The following SH3KBP1 variants were observed in gnomAD, a reference collection of about 807,000 sequenced individuals.
SH3KBP1 encodes the protein SH3 domain containing kinase binding protein 1, also known as SH3 domain-containing kinase-binding protein 1.
SH3KBP1 carries 8 observed loss-of-function variants against 50.1 expected under a neutral mutation model. The ratio of observed to expected loss-of-function variants is 0.16; its 90% CI spans 0.09 to 0.29. SH3KBP1 has a LOEUF of 0.29. SH3KBP1 is among the 10% of genes least tolerant of loss of function. The pLI is 1.00. For missense variants in SH3KBP1, 377 were observed against 535.2 expected (o/e 0.70, Z 2.92); for synonymous variants, 227 against 218.6 (o/e 1.04, Z -0.34).
At chrX:19,648,349 GGGAA>G (rs769914541) in intron 6 of SH3KBP1, among the ~76,000 whole-genome samples, 2,177 of 103,267 alleles carry the variant, frequency 0.021, 26 homozygotes, top group Non-Finnish European at 0.025. Context: ...AAGAGAAGGA[GGGAA>G]GGAAGGAAGG....
At chrX:19,582,417 G>A (rs185558761) in intron 12 of SH3KBP1, among the ~76,000 whole-genome samples, 2 of 111,748 alleles carry the variant, frequency 1.8e-5, no homozygotes, top group East Asian at 2.8e-4. Context: ...TATGGTGGCC[G>A]CGTGGGTGAT....
At chrX:19,793,979 A>G (rs751441189) in intron 2 of SH3KBP1, among the ~76,000 whole-genome samples, 15 of 110,883 alleles carry the variant, frequency 1.4e-4, no homozygotes, top group African/African-American at 3.9e-4. Context: ...TCAGAGTGAA[A>G]TGGTTTATCA....
intron 3 of SH3KBP1, among the ~76,000 whole-genome samples, chrX:19,743,671 C>T (rs180799767): frequency 7.2e-5 from 8 of 111,791 alleles, no homozygotes; most frequent in Non-Finnish European, 1.1e-4. Flanking sequence ...CATCCCACAA[C>T]GTGAGGGACT....
chrX:19,880,248 A>C (rs1350209498), intron 1 of SH3KBP1, among the ~76,000 whole-genome samples: 3 of 113,029 alleles, frequency 2.7e-5, no homozygotes, highest in African/African-American at 9.6e-5. Flanking sequence ...CCTTGTCAAC[A>C]TGCTCTGCCC....
At chrX:19,865,825 C>T (rs1411079631) in intron 1 of SH3KBP1, among the ~76,000 whole-genome samples, 2 of 112,240 alleles carry the variant, frequency 1.8e-5, no homozygotes, top group Admixed American at 1.9e-4. Context: ...GTTGACCCAA[C>T]AGGCTTCCAA....
At chrX:19,596,724 T>G (rs1397138457) in intron 9 of SH3KBP1, among the ~76,000 whole-genome samples, 1 of 112,279 alleles carries the variant, frequency 8.9e-6, no homozygotes, top group African/African-American at 3.2e-5. Context: ...GTTCACAGCA[T>G]CTTCACCAGG....
chrX:19,769,080 T>A (rs899688249), intron 2 of SH3KBP1, among the ~76,000 whole-genome samples: 1 of 97,200 alleles, frequency 1.0e-5, no homozygotes, highest in Non-Finnish European at 2.1e-5. Context: ...TTATAATTTT[T>A]TTTTTTTTTT....
chrX:19,820,641 T>C (rs1260494696), intron 2 of SH3KBP1, among the ~76,000 whole-genome samples: 1 of 99,918 alleles, frequency 1.0e-5, no homozygotes, highest in Non-Finnish European at 2.2e-5. Context: ...TTGAGTCAAG[T>C]TTTTTTTTTT....
At chrX:19,646,909 C>G (rs941638233) in intron 6 of SH3KBP1, among the ~76,000 whole-genome samples, 1 of 112,061 alleles carries the variant, frequency 8.9e-6, no homozygotes, top group African/African-American at 3.2e-5. Flanking sequence ...CCGCTAAGTA[C>G]TCAAACTAAT....
intron 1 of SH3KBP1, among the ~76,000 whole-genome samples, chrX:19,881,251 G>A (rs1445884694): frequency 1.8e-5 from 2 of 112,092 alleles, no homozygotes; most frequent in Non-Finnish European, 3.8e-5. Flanking sequence ...AGCATTTGCA[G>A]AAGGGTAGAC....
At chrX:19,724,987 C>A (rs1263428270) in intron 3 of SH3KBP1, among the ~76,000 whole-genome samples, 1 of 111,554 alleles carries the variant, frequency 9.0e-6, no homozygotes, top group Non-Finnish European at 1.9e-5. Context: ...ACTCAGCTGG[C>A]CTCCTTGGGG....
chrX:19,737,003 C>T (rs1046587168), intron 3 of SH3KBP1, among the ~76,000 whole-genome samples: 1 of 107,703 alleles, frequency 9.3e-6, no homozygotes, highest in African/African-American at 3.4e-5. Context: ...ACTTCCGAGG[C>T]TCAGACAATC....
chrX:19,871,205 C>T (rs955804685), intron 1 of SH3KBP1, among the ~76,000 whole-genome samples: 3 of 112,374 alleles, frequency 2.7e-5, no homozygotes, highest in Non-Finnish European at 5.6e-5. Context: ...TTGGGCGATT[C>T]ATAAAATGAC....
intron 7 of SH3KBP1, among the ~76,000 whole-genome samples, chrX:19,640,883 ACAACCAATCAGACTGACTGTGGGCCAC>A (rs2061840840): frequency 1.8e-5 from 2 of 111,310 alleles, no homozygotes; most frequent in South Asian, 7.6e-4. Context: ...GTTGCTTTCC[ACAACCAATCAGACTGACTGTGGGCCAC>A]CATATTATTT....
At chrX:19,866,544 G>C in intron 1 of SH3KBP1, among the ~76,000 whole-genome samples, 1 of 109,231 alleles carries the variant, frequency 9.2e-6, no homozygotes, top group Non-Finnish European at 1.9e-5. Flanking sequence ...TAAAATATTA[G>C]GCAGGTATGG....
intron 1 of SH3KBP1, among the ~76,000 whole-genome samples, chrX:19,856,724 C>G (rs145133501): frequency 0.096 from 10,564 of 110,515 alleles, 500 homozygotes; most frequent in Non-Finnish European, 0.13. Context: ...CCAACCCCAC[C>G]AACACCTTGA....
chrX:19,808,704 T>C, intron 2 of SH3KBP1, among the ~76,000 whole-genome samples: 1 of 111,897 alleles, frequency 8.9e-6, no homozygotes. Flanking sequence ...CCTACTTCTA[T>C]GGGGTCTGGT....
chrX:19,553,506 G>C (rs187857303), intron 13 of SH3KBP1, among the ~76,000 whole-genome samples: 11 of 111,013 alleles, frequency 9.9e-5, no homozygotes, highest in African/African-American at 3.6e-4. Context: ...AAACATGCTG[G>C]TTCCTCTGTC....
At chrX:19,562,121 G>T (rs1035580465) in intron 13 of SH3KBP1, among the ~76,000 whole-genome samples, 43 of 111,487 alleles carry the variant, frequency 3.9e-4, no homozygotes, top group African/African-American at 1.4e-3. Flanking sequence ...ATGCTTTAAT[G>T]AGAGTCCATG....
Sources: gnomAD v4.1 joint callset for allele counts (sites outside exome capture counted in the v4.1 genomes callset) on GRCh38, gnomAD v4.1.1 for gene constraint, MANE v1.5 for transcripts, NCBI Gene and HGNC (gene_info 2026-07-23, HGNC 2026-07-21) for gene names.